Variants in RYR1 observed in about 807,000 individuals in gnomAD.
RYR1 encodes the protein ryanodine receptor 1.
RYR1 carries 342 observed loss-of-function variants against 583.5 expected under a neutral mutation model. The ratio of observed to expected loss-of-function variants is 0.59; its 90% confidence interval spans 0.54 to 0.64. RYR1 has a LOEUF of 0.64. Among genes scored for constraint, RYR1 ranks in the 30% least tolerant of loss-of-function variants. The pLI, the probability that RYR1 is intolerant of heterozygous loss-of-function variation, is 0.00. For missense variants in RYR1, 6,032 were observed against 6,917.2 expected, an observed-to-expected ratio of 0.87 and a Z score of 4.54; for synonymous variants, 2,791 against 2,822.5, an observed-to-expected ratio of 0.99 and a Z score of 0.35.
chr19:38,582,512 G>T (rs542870262), intron 101 of RYR1, among the ~76,000 whole-genome samples: 1 of 151,562 alleles, frequency 6.6e-6, no homozygotes, highest in South Asian at 2.1e-4. Flanking sequence ...CAGGCCGGGC[G>T]CAGTGACTCA....
chr19:38,451,389 T>G (rs1050291119), intron 11 of RYR1, among the ~76,000 whole-genome samples: 14 of 151,582 alleles, frequency 9.2e-5, no homozygotes, highest in Admixed American at 2.0e-4. Context: ...ATTTGGGGGT[T>G]AGAGCTTTCT....
Position 38,475,302 on chromosome 19 carries a change from C to G in RYR1, c.4161-16C>G. 2 of 1,565,166 alleles carry G rather than the reference C, an allele frequency of 1.3e-6. No homozygotes were observed. Among genetic ancestry groups the G allele is most frequent in the Non-Finnish European group, 1.7e-6 (2 of 1,155,050 alleles). ...TTGAAAGCTGGCTCTCATGGCGCCT[C>G]TCCTCCCACTACCAGCTTCTTATTC... is the stretch of plus-strand genomic sequence containing the variant. On this transcript the variant is annotated splice_polypyrimidine_tract_variant and intron_variant, in intron 28 of 105. Transcript: ENST00000359596.
At chr19:38,518,401 TA>T (rs10714494) in intron 66 of RYR1, among the ~76,000 whole-genome samples, 19,398 of 113,612 alleles carry the variant, frequency 0.17, 1,771 homozygotes, top group African/African-American at 0.29. Context: ...CTCTATTATT[TA>T]AAAAAAAAAA....
chr19:38,499,304 T>A lies in RYR1; in HGVS notation c.7027+61T>A. 6.2e-7 allele frequency: 1 copy of A among 1,611,764 alleles called. No individual in the cohort carries two copies. Among genetic ancestry groups the A allele is most frequent in the Non-Finnish European group, 8.5e-7 (1 of 1,178,238 alleles). ...TGGAGTCACTGGTCACACACCTCCC[T>A]CGAGATGACTGCTCGCACCCTGAGC... is the stretch of plus-strand genomic sequence containing the variant. On this transcript the variant is annotated intron_variant, in intron 43 of 105. Coordinates refer to ENST00000359596, the MANE Select transcript of RYR1 (RefSeq NM_000540.3). This position sits in a 1 kb window ranked among gnomAD's most constrained non-coding sequence, Gnocchi z 7.3.
intron 48 of RYR1, 51 bp downstream of exon 48, chr19:38,502,778 GGC>G: frequency 8.2e-7 from 1 of 1,215,398 alleles, no homozygotes; most frequent in Middle Eastern, 2.8e-4. Flanking sequence ...CAGGGGCAGG[GGC>G]AGGGGCAGGG....
At chr19:38,466,473 C>G (rs1176806590) in intron 24 of RYR1, 75 bp downstream of exon 24, 3 of 1,357,042 alleles carry the variant, frequency 2.2e-6, no homozygotes, top group Non-Finnish European at 3.0e-6. Context: ...TGATCTCTGA[C>G]CTGACTCAGC....
rs1293266518 is a variant in RYR1, at chr19:38,548,376, G to C, written c.12238G>C (p.Val4080Leu). The change falls in exon 89 of 106, where the codon GTA (valine) becomes CTA (leucine). Residue 4080 changes from valine (V) to leucine (L), a missense_variant. By Grantham distance (32) the Val-to-Leu change is conservative. Transcript: ENST00000359596. ...IVGSEAFQDY[V>L]TDPRGLISKK... ...GGGCTCTGAAGCCTTCCAGGACTAC[G>C]TAACGGATCCCCGTGGCCTCATCTC... The C allele has an allele frequency of 1.2e-6, 2 of 1,614,132 alleles. No individual in the cohort carries two copies. Among genetic ancestry groups the C allele is most frequent in the East Asian group, 2.2e-5 (1 of 44,884 alleles).
In RYR1 at chr19:38,496,575, G is replaced by A; in HGVS notation, c.6796+34G>A. The A allele has an allele frequency of 9.9e-6, 16 of 1,612,522 alleles. No individual in the cohort carries two copies. Among genetic ancestry groups the A allele is most frequent in the Non-Finnish European group, 1.4e-5 (16 of 1,179,902 alleles). ...CCCCGAGCCCAGGGGCTGTCCCCCAGAACCCACTCCTGGCACCCCGTCCAG... is the reference window on the plus strand; with the variant it reads ...CCCCGAGCCCAGGGGCTGTCCCCCAAAACCCACTCCTGGCACCCCGTCCAG... On this transcript the variant is annotated intron_variant, in intron 41 of 105. Transcript: ENST00000359596. The surrounding 1 kb of genome is among the most constrained non-coding windows in gnomAD (Gnocchi z 4.8).
intron 74 of RYR1, 69 bp downstream of exon 74, chr19:38,528,487 T>C: frequency 1.3e-6 from 2 of 1,596,856 alleles, no homozygotes; most frequent in Non-Finnish European, 1.7e-6. Context: ...GTCTGGAGAA[T>C]GGAGGGCCAA....
rs765211900 is a variant in RYR1, at chr19:38,502,914, C to T, written c.7870C>T (p.Arg2624Cys). 10 of 1,611,700 alleles carry T rather than the reference C, an allele frequency of 6.2e-6. No individual in the cohort carries two copies. Among genetic ancestry groups the T allele is most frequent in the South Asian group, 3.3e-5 (3 of 91,068 alleles). Residue 2624 changes from arginine to cysteine, a missense_variant, in exon 49 of 106, where the codon CGC becomes TGC. Physicochemically the swap from Arg to Cys is radical, Grantham distance 180. Coordinates refer to ENST00000359596, the MANE Select transcript of RYR1 (RefSeq NM_000540.3). Reference protein sequence around the residue: ...IRPSMLQHLLRRLVFDVPILN... With the variant: ...IRPSMLQHLLCRLVFDVPILN... ...CCCGTCGATGCTGCAGCACCTGTTG[C>T]GCCGCCTGGTGTTCGACGTGCCCAT...
In RYR1 at chr19:38,499,096, TTC is replaced by T. The variant is rs2145597672; in HGVS notation, c.6892-10_6892-9del. 6.2e-7 allele frequency: 1 copy of T among 1,613,768 alleles called. No individual in the cohort carries two copies. Among genetic ancestry groups the T allele is most frequent in the Non-Finnish European group, 8.5e-7 (1 of 1,179,818 alleles). ...TGGGTCTGGTCTCTGACTGAGCCCC[TTC>T]TGCCCCCAGGTTGTGTCCTACCTGG... On this transcript the variant is annotated splice_polypyrimidine_tract_variant and intron_variant, in intron 42 of 105. Transcript: ENST00000359596. The surrounding 1 kb of genome is among the most constrained non-coding windows in gnomAD (Gnocchi z 7.3).
Position 38,433,745 on chromosome 19 carries a change from AGCC to A in RYR1, c.-84_-82del. 1 of 498,368 alleles carries A rather than the reference AGCC, an allele frequency of 2.0e-6. No individual in the cohort carries two copies. The allele number at this position is 498,368 out of a possible 1,614,324, so 30.9% of individuals were successfully genotyped here. On this transcript the variant is annotated 5_prime_UTR_variant, in exon 1 of 106. Transcript: ENST00000359596. ...GGTGTCTCCAGAGGTCTCCGACCCCAGCCCGCCCCCAGCCCTCCCGCCCAGCCC... is the reference window on the plus strand; with the variant it reads ...GGTGTCTCCAGAGGTCTCCGACCCCACGCCCCCAGCCCTCCCGCCCAGCCC...
chr19:38,518,700 G>A (rs1291085082), intron 66 of RYR1, among the ~76,000 whole-genome samples: 6 of 152,242 alleles, frequency 3.9e-5, no homozygotes, highest in Admixed American at 1.3e-4. Context: ...AGGCCGAGGC[G>A]GGTGGATCTC....
rs1966906320 is a variant in RYR1 at position 38,448,507 on chromosome 19, C to G, written c.953C>G (p.Ser318Cys). The G allele has an allele frequency of 6.2e-7, 1 of 1,614,020 alleles. No homozygotes were observed. Among genetic ancestry groups the G allele is most frequent in the Non-Finnish European group, 8.5e-7 (1 of 1,180,034 alleles). Residue 318 changes from serine to cysteine, a missense_variant, in exon 10 of 106, where the codon TCC becomes TGC. Physicochemically the swap from Ser to Cys is moderately radical, Grantham distance 112 (BLOSUM62 -1). This residue lies in a region of RYR1 where 338 missense variants were observed against 441.6 expected (regional missense o/e 0.77). Coordinates refer to ENST00000359596, the MANE Select transcript of RYR1 (RefSeq NM_000540.3). Reference sequence around the variant, plus strand: ...GCTACCTCCTTCTGCTTCCGCATCTCCAAGGTCAGTGGGGTTTGTGGCGCC... The same window carrying G: ...GCTACCTCCTTCTGCTTCCGCATCTGCAAGGTCAGTGGGGTTTGTGGCGCC... ...TKATSFCFRI[S>C]KEKLDVAPKR...
At chr19:38,440,661 G>T in intron 1 of RYR1, 84 bp from the exon 2 acceptor site, 1 of 1,528,074 alleles carries the variant, frequency 6.5e-7, no homozygotes, top group Non-Finnish European at 9.0e-7. Flanking sequence ...ATAAGGACCA[G>T]GGTGGGAGGA....
Position 38,561,205 on chromosome 19 carries a change from A to G in RYR1, c.12375A>G (p.Glu4125=), listed in dbSNP as rs777577833. The change falls in exon 90 of 106, where the codon GAA becomes GAG. Residue 4125 remains glutamate, a synonymous_variant. Transcript: ENST00000359596. The surrounding 1 kb of genome is among the most constrained non-coding windows in gnomAD (Gnocchi z 4.8). ...ATGAGAACGAAATGATCAACTGCGAAGAGTTCGCCAACCGCTTCCAGGAGC... is the reference window on the plus strand; with the variant it reads ...ATGAGAACGAAATGATCAACTGCGAGGAGTTCGCCAACCGCTTCCAGGAGC... ...EADENEMINC[E]EFANRFQEPA... The G allele has an allele frequency of 6.8e-6, 11 of 1,614,168 alleles. No homozygotes were observed. Among genetic ancestry groups the G allele is most frequent in the Middle Eastern group, 1.6e-4 (1 of 6,062 alleles).
In RYR1 at chr19:38,500,579, GCC is replaced by G; in HGVS notation, c.7324-24_7324-23del. On this transcript the variant is annotated intron_variant, in intron 45 of 105. Coordinates refer to ENST00000359596, the MANE Select transcript of RYR1 (RefSeq NM_000540.3). This position sits in a 1 kb window ranked among gnomAD's most constrained non-coding sequence, Gnocchi z 5.9. ...AGTGGGGCACCAGCGCCTGATGAGT[GCC>G]CCTCTCCCTCCCTCTACTCCCCAGC... 3 of 1,611,646 alleles carry G rather than the reference GCC, an allele frequency of 1.9e-6. No homozygotes were observed. The highest frequency in any genetic ancestry group is 2.5e-6 in the Non-Finnish European group (3 of 1,179,852).
At chr19:38,567,978 C>G in intron 93 of RYR1, 61 bp downstream of exon 93, 2 of 1,575,588 alleles carry the variant, frequency 1.3e-6, no homozygotes, top group South Asian at 2.2e-5. Context: ...CTCTGGTGCC[C>G]ACCTCTCCTG....
In RYR1 at chr19:38,565,873, TAGGGGGATGGGCACACGCA is replaced by T; in HGVS notation, c.13437+103_13437+121del. 1 of 1,257,688 alleles carries T rather than the reference TAGGGGGATGGGCACACGCA, an allele frequency of 8.0e-7. No individual in the cohort carries two copies. The highest frequency in any genetic ancestry group is 1.6e-5 in the African/African-American group (1 of 63,180). 77.9% of individuals were successfully genotyped at this position (1,257,688 alleles called of 1,614,324 possible). ...GACACACACAGAGGAGAGAACTGGC[TAGGGGGATGGGCACACGCA>T]CCCACGGAGGACGCACCCATGGAGG... On this transcript the variant is annotated intron_variant, in intron 91 of 105. Coordinates refer to ENST00000359596, the MANE Select transcript of RYR1 (RefSeq NM_000540.3). This position sits in a 1 kb window ranked among gnomAD's most constrained non-coding sequence, Gnocchi z 4.7.
Sources: allele counts gnomAD v4.1 joint callset (sites outside exome capture counted in the v4.1 genomes callset), GRCh38; gene constraint gnomAD v4.1.1; regional missense constraint gnomAD v4.1.1; non-coding constraint Gnocchi (gnomAD v3.1); transcripts MANE v1.5; gene names NCBI Gene and HGNC (gene_info 2026-07-23, HGNC 2026-07-21).